The following LRRC4C variants were observed in gnomAD, a reference collection of about 807,000 sequenced individuals.
LRRC4C encodes the protein leucine-rich repeat-containing protein 4C.
LRRC4C carries 5 observed loss-of-function variants against 33.6 expected under a neutral mutation model. The ratio of observed to expected loss-of-function variants is 0.15; its 90% CI spans 0.08 to 0.31. The LOEUF is 0.31. Ranked by LOEUF, LRRC4C falls within the 10% of genes least tolerant of loss-of-function variation. The pLI is 1.00. For missense variants in LRRC4C, 560 were observed against 796.7 expected (o/e 0.70, Z 3.58); for synonymous variants, 329 against 302.0 (o/e 1.09, Z -0.93).
intron 3 of LRRC4C, among the ~76,000 whole-genome samples, chr11:40,580,058 G>GGTGTGTGTGTGTGTGTGTGTGT (rs72110597): frequency 6.9e-6 from 1 of 145,438 alleles, no homozygotes; most frequent in African/African-American, 2.6e-5. Context: ...GTACTTTTCA[G>GGTGTGTGTGTGTGTGTGTGTGT]GTGTGTGTGT....
At chr11:41,245,338 G>A (rs1267627665) in intron 1 of LRRC4C, among the ~76,000 whole-genome samples, 3 of 152,114 alleles carry the variant, frequency 2.0e-5, no homozygotes, top group Non-Finnish European at 2.9e-5. Context: ...TCAAGGGTGA[G>A]CCAGGCATGG....
At chr11:41,200,498 A>G (rs1373106680) in intron 1 of LRRC4C, among the ~76,000 whole-genome samples, 1 of 152,054 alleles carries the variant, frequency 6.6e-6, no homozygotes, top group Non-Finnish European at 1.5e-5. Flanking sequence ...AGAAAATAGG[A>G]AGTTTCTTTG....
intron 1 of LRRC4C, among the ~76,000 whole-genome samples, chr11:41,117,773 C>G (rs1402481286): frequency 2.6e-5 from 4 of 151,934 alleles, no homozygotes; most frequent in Non-Finnish European, 5.9e-5. Context: ...GCAATAGGAC[C>G]ATTTCAAAAA....
chr11:41,063,033 T>C (rs1179405495), intron 1 of LRRC4C, among the ~76,000 whole-genome samples: 2 of 152,208 alleles, frequency 1.3e-5, no homozygotes, highest in African/African-American at 2.4e-5. Context: ...AAATTTGTGA[T>C]AATTTCTTAT....
intron 1 of LRRC4C, among the ~76,000 whole-genome samples, chr11:40,992,314 G>A (rs1451782733): frequency 6.6e-6 from 1 of 151,640 alleles, no homozygotes; most frequent in East Asian, 1.9e-4. Flanking sequence ...CATGAACTAT[G>A]TTATTTATGT....
At chr11:40,291,840 T>G (rs1018548615) in intron 4 of LRRC4C, among the ~76,000 whole-genome samples, 1 of 152,114 alleles carries the variant, frequency 6.6e-6, no homozygotes, top group African/African-American at 2.4e-5. Context: ...TTTGTGCATC[T>G]AACTCCGGGG....
intron 3 of LRRC4C, among the ~76,000 whole-genome samples, chr11:40,330,112 T>C (rs1342805636): frequency 6.6e-6 from 1 of 152,118 alleles, no homozygotes; most frequent in Non-Finnish European, 1.5e-5. Flanking sequence ...GGTGTTAAAT[T>C]AATGACGAAG....
At chr11:40,256,963 A>G (rs1408039789) in intron 4 of LRRC4C, among the ~76,000 whole-genome samples, 2 of 152,048 alleles carry the variant, frequency 1.3e-5, no homozygotes, top group African/African-American at 4.8e-5. Context: ...CTGCCAATCA[A>G]CTCCTGCCAA....
At chr11:40,988,838 T>TC (rs1853289817) in intron 1 of LRRC4C, among the ~76,000 whole-genome samples, 1 of 145,574 alleles carries the variant, frequency 6.9e-6, no homozygotes, top group Non-Finnish European at 1.5e-5. Context: ...TGCCTCAGCC[T>TC]CCCGAGTAGC....
chr11:41,438,074 A>T lies in LRRC4C; in HGVS notation c.-496+21357T>A, dbSNP rs576879233. ...ATAAATAAATAAATAAATAAATAATAAAAAAAAATAATTACAATATGGTAC... is the reference window on the plus strand; with the variant it reads ...ATAAATAAATAAATAAATAAATAATTAAAAAAAATAATTACAATATGGTAC... On this transcript the variant is annotated intron_variant, in intron 1 of 6. Transcript: ENST00000528697. Among the ~76,000 whole-genome samples the T allele has an allele frequency of 5.8e-5, 4 of 69,300 alleles. No homozygotes were observed. In the South Asian group the frequency reaches 1.5e-3, roughly 26 times the overall value. The allele number at this position is 69,300 out of a possible 152,430, so 45.5% of individuals were successfully genotyped here.
intron 3 of LRRC4C, among the ~76,000 whole-genome samples, chr11:40,633,765 A>G (rs1439707699): frequency 6.6e-6 from 1 of 152,114 alleles, no homozygotes. Flanking sequence ...ATAGGCCAAT[A>G]ATGTACATTA....
intron 2 of LRRC4C, among the ~76,000 whole-genome samples, chr11:40,763,879 C>T (rs1264271787): frequency 6.6e-6 from 1 of 152,176 alleles, no homozygotes; most frequent in Non-Finnish European, 1.5e-5. Context: ...GAAAGGCAGT[C>T]TATGCCACAG....
rs145029211 is a variant in LRRC4C at position 40,136,962 on chromosome 11, C to A, written c.-43+3839G>T. ...GATTCTTCCAAAGATAACATGGAAT[C>A]AATATTCTTTTTGTTTTGTTTTTGA... On this transcript the variant is annotated intron_variant, in intron 6 of 6. Transcript: ENST00000528697. 3.9e-3 allele frequency among the ~76,000 whole-genome samples: 592 copies of A among 152,244 alleles called. 3 individuals are homozygous for A. Among genetic ancestry groups the A allele is most frequent in the African/African-American group, 0.013 (539 of 41,546 alleles).
intron 2 of LRRC4C, among the ~76,000 whole-genome samples, chr11:40,749,615 A>G (rs985120458): frequency 6.6e-6 from 1 of 151,800 alleles, no homozygotes. Flanking sequence ...GAAGGAAATA[A>G]TAATAATCAG....
chr11:41,389,714 G>A (rs1363999740), intron 1 of LRRC4C, among the ~76,000 whole-genome samples: 1 of 145,232 alleles, frequency 6.9e-6, no homozygotes, highest in Non-Finnish European at 1.5e-5. Context: ...TTACACTGAA[G>A]TAATATCTGG....
intron 5 of LRRC4C, among the ~76,000 whole-genome samples, chr11:40,232,080 C>G (rs1238818607): frequency 6.6e-6 from 1 of 152,138 alleles, no homozygotes; most frequent in Non-Finnish European, 1.5e-5. Flanking sequence ...GATCTGGGCT[C>G]GCTGCAACCT....
chr11:41,418,837 A>AT (rs1334040727), intron 1 of LRRC4C, among the ~76,000 whole-genome samples: 2 of 152,022 alleles, frequency 1.3e-5, no homozygotes, highest in African/African-American at 4.8e-5. Context: ...AATTAAGGTC[A>AT]TAATACAGAG....
intron 3 of LRRC4C, among the ~76,000 whole-genome samples, chr11:40,582,422 G>T (rs1454563181): frequency 1.3e-5 from 2 of 151,720 alleles, no homozygotes; most frequent in South Asian, 4.2e-4. Flanking sequence ...TCACAGACAG[G>T]CTAAAACTCA....
chr11:40,604,662 A>G (rs1405977270), intron 3 of LRRC4C, among the ~76,000 whole-genome samples: 1 of 152,150 alleles, frequency 6.6e-6, no homozygotes, highest in Non-Finnish European at 1.5e-5. Context: ...AGTATGTTTT[A>G]TGGTCAAATG....
Sources: allele counts gnomAD v4.1 joint callset (sites outside exome capture counted in the v4.1 genomes callset), GRCh38; gene constraint gnomAD v4.1.1; transcripts MANE v1.5; gene names NCBI Gene and HGNC (gene_info 2026-07-23, HGNC 2026-07-21).